Variants in PPP1R9A observed in about 807,000 individuals in gnomAD.
The protein encoded by PPP1R9A is neurabin-1.
PPP1R9A carries 59 observed loss-of-function variants against 141.9 expected under a neutral mutation model. The observed-to-expected ratio is 0.42, with a 90% CI of 0.34 to 0.52. The LOEUF (loss-of-function observed/expected upper bound fraction) is 0.52. PPP1R9A is among the 20% of genes least tolerant of loss of function. The probability of loss-of-function intolerance (pLI) is 0.10; values close to 1 mark genes in which losing one functional copy is unlikely to be tolerated. For synonymous variants in PPP1R9A, 500 were observed against 569.7 expected, an observed-to-expected ratio of 0.88 and a Z score of 1.74; for missense variants, 1,444 against 1,611.9, an observed-to-expected ratio of 0.90 and a Z score of 1.78.
At chr7:94,968,426 C>T (rs1035013087) in intron 2 of PPP1R9A, among the ~76,000 whole-genome samples, 1 of 152,012 alleles carries the variant, frequency 6.6e-6, no homozygotes, top group Non-Finnish European at 1.5e-5. Context: ...CCCGCCTCGG[C>T]CTCCCAAAGT....
At chr7:95,284,911 T>C (rs905341018) in intron 17 of PPP1R9A, among the ~76,000 whole-genome samples, 4 of 152,232 alleles carry the variant, frequency 2.6e-5, no homozygotes, top group Non-Finnish European at 4.4e-5. Flanking sequence ...TTGGTCTCCT[T>C]TTATCTGTGT....
chr7:95,064,397 A>G (rs1222162711), intron 2 of PPP1R9A, among the ~76,000 whole-genome samples: 1 of 152,202 alleles, frequency 6.6e-6, no homozygotes, highest in African/African-American at 2.4e-5. Flanking sequence ...AAGGCACATC[A>G]CAACCTTCTT....
At chr7:95,144,684 A>G (rs1269494093) in intron 4 of PPP1R9A, among the ~76,000 whole-genome samples, 2 of 152,210 alleles carry the variant, frequency 1.3e-5, no homozygotes, top group East Asian at 1.9e-4. Context: ...CAGGGATAAG[A>G]CACAGATACT....
At chr7:95,228,021 T>C (rs1263738963) in intron 8 of PPP1R9A, among the ~76,000 whole-genome samples, 1 of 152,202 alleles carries the variant, frequency 6.6e-6, no homozygotes. Flanking sequence ...GTGATTAATA[T>C]ACATGTCCAA....
chr7:94,924,024 G>T (rs1340502705), intron 2 of PPP1R9A, among the ~76,000 whole-genome samples: 2 of 152,004 alleles, frequency 1.3e-5, no homozygotes, highest in African/African-American at 4.8e-5. Flanking sequence ...ATATTTTATT[G>T]TATACTGGGT....
intron 18 of PPP1R9A, chr7:95,287,039 T>C: frequency 6.8e-7 from 1 of 1,474,846 alleles, no homozygotes; most frequent in Non-Finnish European, 9.5e-7. Context: ...TAAAATTATG[T>C]ACTATATATG....
intron 2 of PPP1R9A, among the ~76,000 whole-genome samples, chr7:95,006,863 AT>A (rs1215381838): frequency 4.7e-3 from 677 of 143,176 alleles, no homozygotes; most frequent in Non-Finnish European, 5.2e-3. Context: ...GGCCATAATA[AT>A]TTTTTTTTTT....
At chr7:95,034,332 A>G (rs1808137200) in intron 2 of PPP1R9A, among the ~76,000 whole-genome samples, 3 of 151,612 alleles carry the variant, frequency 2.0e-5, no homozygotes, top group African/African-American at 7.3e-5. Context: ...AAAATACAGC[A>G]TTAATTAAAA....
Position 95,251,249 on chromosome 7 carries a change from A to G in PPP1R9A, c.2397-513A>G, listed in dbSNP as rs373898015. On this transcript the variant is annotated intron_variant, in intron 10 of 19. Transcript: ENST00000433360. ...TTCTATTCCAGGTTTTCAAAATGGA[A>G]CTGTTTCTCTTCTCCCCATATTATC... is the stretch of plus-strand genomic sequence containing the variant. 2.8e-3 allele frequency among the ~76,000 whole-genome samples: 425 copies of G among 152,226 alleles called. 2 individuals carry two copies. Among genetic ancestry groups the G allele is most frequent in the African/African-American group, 8.8e-3 (364 of 41,542 alleles).
At chr7:94,980,471 T>C (rs1275066341) in intron 2 of PPP1R9A, among the ~76,000 whole-genome samples, 2 of 152,162 alleles carry the variant, frequency 1.3e-5, no homozygotes, top group African/African-American at 4.8e-5. Context: ...AAATATTCAG[T>C]TTTTGAGACA....
chr7:94,929,931 A>AT (rs1793949808), intron 2 of PPP1R9A, among the ~76,000 whole-genome samples: 1 of 152,150 alleles, frequency 6.6e-6, no homozygotes, highest in South Asian at 2.1e-4. Flanking sequence ...ATATGTGACT[A>AT]TTTTTTATTT....
chr7:95,020,089 T>C (rs1351950803), intron 2 of PPP1R9A, among the ~76,000 whole-genome samples: 3 of 152,072 alleles, frequency 2.0e-5, no homozygotes, highest in Non-Finnish European at 4.4e-5. Context: ...TTCAAAATAA[T>C]TACCCTTAAA....
At chr7:95,176,280 G>A (rs1471263683) in intron 5 of PPP1R9A, among the ~76,000 whole-genome samples, 1 of 152,072 alleles carries the variant, frequency 6.6e-6, no homozygotes, top group Non-Finnish European at 1.5e-5. Flanking sequence ...TCACTGTTAG[G>A]AAGCCATATC....
chr7:95,224,639 T>G (rs1312974064), intron 7 of PPP1R9A, among the ~76,000 whole-genome samples: 5 of 152,146 alleles, frequency 3.3e-5, no homozygotes, highest in Non-Finnish European at 5.9e-5. Flanking sequence ...AATTTAATAA[T>G]GGTCTTTCAG....
chr7:94,977,209 A>C (rs984771515), intron 2 of PPP1R9A, among the ~76,000 whole-genome samples: 2 of 152,026 alleles, frequency 1.3e-5, no homozygotes, highest in East Asian at 3.9e-4. Flanking sequence ...TTTAGGGGAG[A>C]TGTCTGGGTT....
At chr7:95,058,567 G>A (rs1362532034) in intron 2 of PPP1R9A, among the ~76,000 whole-genome samples, 1 of 152,140 alleles carries the variant, frequency 6.6e-6, no homozygotes, top group Non-Finnish European at 1.5e-5. Flanking sequence ...TGCTAGAGAG[G>A]CAGGAAGAAG....
intron 5 of PPP1R9A, among the ~76,000 whole-genome samples, chr7:95,168,362 C>T (rs1831584126): frequency 6.6e-6 from 1 of 151,750 alleles, no homozygotes; most frequent in South Asian, 2.1e-4. Flanking sequence ...GAAACTGGAC[C>T]CTTATCCCTC....
intron 2 of PPP1R9A, among the ~76,000 whole-genome samples, chr7:95,045,161 A>G (rs1415719929): frequency 6.6e-6 from 1 of 152,184 alleles, no homozygotes; most frequent in Non-Finnish European, 1.5e-5. Flanking sequence ...GGCAACCTCA[A>G]TTCTTGCTTC....
rs17166745 is a variant in PPP1R9A, at chr7:95,275,802, G to A, written c.3296+1634G>A. On this transcript the variant is annotated intron_variant, in intron 16 of 19. Coordinates refer to ENST00000433360, the MANE Select transcript of PPP1R9A (RefSeq NM_001166160.2). ...ATTGTACCTTCTTCTTGGAATTAAA[G>A]GAGCATTAAAGGAGCATAATGGGCG... Among the ~76,000 whole-genome samples the A allele has an allele frequency of 7.6e-3, 1,158 of 152,184 alleles. 13 individuals carry two copies. The highest frequency in any genetic ancestry group is 0.027 in the African/African-American group (1,102 of 41,504).
Sources: allele counts gnomAD v4.1 joint callset (sites outside exome capture counted in the v4.1 genomes callset), GRCh38; gene constraint gnomAD v4.1.1; transcripts MANE v1.5; gene names NCBI Gene and HGNC (gene_info 2026-07-23, HGNC 2026-07-21).